Variants in SULF1 observed in about 807,000 individuals in gnomAD.
SULF1 encodes the protein sulfatase 1.
SULF1 carries 46 observed loss-of-function variants against 110.5 expected under a neutral mutation model. The ratio of observed to expected loss-of-function variants is 0.42; its 90% confidence interval spans 0.33 to 0.53. The LOEUF is 0.53. SULF1 is among the 20% of genes least tolerant of loss of function. The pLI is 0.12. For synonymous variants in SULF1, 371 were observed against 387.1 expected, an observed-to-expected ratio of 0.96 and a Z score of 0.49; for missense variants, 941 against 1,094.2, an observed-to-expected ratio of 0.86 and a Z score of 1.98.
chr8:69,606,630 T>C (rs1301858186), intron 13 of SULF1, among the ~76,000 whole-genome samples: 1 of 152,250 alleles, frequency 6.6e-6, no homozygotes, highest in African/African-American at 2.4e-5. Context: ...TGGCTTGCCC[T>C]AAAATTTTAA....
chr8:69,479,949 C>G (rs931785300), intron 1 of SULF1, among the ~76,000 whole-genome samples: 13 of 152,028 alleles, frequency 8.6e-5, no homozygotes, highest in African/African-American at 2.4e-4. Context: ...TTGCTGAGGG[C>G]TACCGTGAGT....
chr8:69,654,410 A>G (rs180858620), intron 22 of SULF1, among the ~76,000 whole-genome samples: 70 of 152,358 alleles, frequency 4.6e-4, no homozygotes, highest in Non-Finnish European at 9.0e-4. Flanking sequence ...GAGTAAGTTT[A>G]TATAGGTGCA....
intron 1 of SULF1, among the ~76,000 whole-genome samples, chr8:69,485,486 T>C (rs1374087829): frequency 6.6e-6 from 1 of 152,222 alleles, no homozygotes; most frequent in Admixed American, 6.5e-5. Context: ...CCCTTGGCTG[T>C]CTGTCACCCT....
At chr8:69,466,785 G>T (rs1233109253) in exon 1 of SULF1, 2 of 152,382 alleles carry the variant, frequency 1.3e-5, no homozygotes, top group Non-Finnish European at 1.5e-5. Context: ...GTTGGGGTTA[G>T]TGTGTGTCAT....
chr8:69,520,407 A>T (rs1005469118), intron 3 of SULF1, among the ~76,000 whole-genome samples: 4 of 152,054 alleles, frequency 2.6e-5, no homozygotes, highest in Admixed American at 2.6e-4. Context: ...TCACCTTTTC[A>T]TCTTTGTTCT....
At chr8:69,498,541 A>G (rs2245781) in intron 2 of SULF1, among the ~76,000 whole-genome samples, 119,257 of 152,028 alleles carry the variant, frequency 0.78, 47,103 homozygotes, top group African/African-American at 0.86. Flanking sequence ...AAACCTGACC[A>G]GAGAGATGAG....
At chr8:69,619,867 G>A (rs1460099691) in intron 13 of SULF1, among the ~76,000 whole-genome samples, 3 of 152,116 alleles carry the variant, frequency 2.0e-5, no homozygotes, top group South Asian at 4.1e-4. Flanking sequence ...GGGTGCCGAC[G>A]GCCCCAGTGT....
rs1437083051 is a variant in SULF1 at position 69,553,495 on chromosome 8, A to G, written c.-133-10044A>G. The stretch of plus-strand genomic sequence containing the variant: ...CCTGGTAAACTTTGCAGGCAGCCAG[A>G]CTTAGTAGACTTCTATTAATGATGG... On this transcript the variant is annotated intron_variant, in intron 3 of 22. Transcript: ENST00000402687. 2.6e-5 allele frequency among the ~76,000 whole-genome samples: 4 copies of G among 152,218 alleles called. No individual in the cohort carries two copies. In the East Asian group the frequency reaches 7.7e-4, roughly 29 times the overall value.
chr8:69,595,792 C>A (rs966060998), intron 8 of SULF1, among the ~76,000 whole-genome samples: 1 of 152,100 alleles, frequency 6.6e-6, no homozygotes, highest in Non-Finnish European at 1.5e-5. Context: ...TTCACTGGAG[C>A]GACACCAAAG....
At chr8:69,479,787 C>T (rs138421557) in intron 1 of SULF1, among the ~76,000 whole-genome samples, 2,001 of 152,238 alleles carry the variant, frequency 0.013, 49 homozygotes, top group African/African-American at 0.045. Flanking sequence ...CTCATTCTTA[C>T]AAGGCAGAGT....
chr8:69,484,320 T>C (rs569433735), intron 1 of SULF1, among the ~76,000 whole-genome samples: 1 of 152,318 alleles, frequency 6.6e-6, no homozygotes, highest in Admixed American at 6.5e-5. Context: ...CCACATCTTA[T>C]CTGCATCAAC....
chr8:69,658,841 A>G lies in SULF1; in HGVS notation c.*306A>G. On this transcript the variant is annotated 3_prime_UTR_variant, in exon 23 of 23. Transcript: ENST00000402687. ...AGGCATAAGGTTGGGAAAACACCTC[A>G]TTTGACCTTGCCAGCTGACCTTCAA... 1 of 568,112 alleles carries G rather than the reference A, an allele frequency of 1.8e-6. No individual in the cohort carries two copies. The highest frequency in any genetic ancestry group is 1.5e-5 in the South Asian group (1 of 65,586). The allele number at this position is 568,112 out of a possible 1,614,324, so 35.2% of individuals were successfully genotyped here. A position where few individuals can be genotyped will look rare whatever the true frequency, so the allele number is the denominator to read the frequency against.
intron 22 of SULF1, among the ~76,000 whole-genome samples, chr8:69,643,280 AC>A (rs1203415442): frequency 4.6e-5 from 7 of 152,340 alleles, no homozygotes; most frequent in Middle Eastern, 3.4e-3. Flanking sequence ...CAGATGCAAA[AC>A]AAGTATGTAC....
At chr8:69,536,171 T>C (rs1458283176) in intron 3 of SULF1, among the ~76,000 whole-genome samples, 1 of 152,198 alleles carries the variant, frequency 6.6e-6, no homozygotes, top group Non-Finnish European at 1.5e-5. Context: ...GCAGATCATT[T>C]CACTAGTCTT....
intron 19 of SULF1, among the ~76,000 whole-genome samples, chr8:69,635,898 C>T (rs1211957217): frequency 1.3e-5 from 2 of 152,098 alleles, no homozygotes; most frequent in Middle Eastern, 3.4e-3. Context: ...ACTCTGTAGC[C>T]AGATCCCAGT....
At chr8:69,489,500 G>C (rs1809830286), upstream of SULF1, among the ~76,000 whole-genome samples, 1 of 149,170 alleles carries the variant, frequency 6.7e-6, no homozygotes, top group African/African-American at 2.5e-5. Context: ...TATAGCCAGA[G>C]GGCTAAAAAA....
At chr8:69,603,504 G>A in intron 11 of SULF1, 96 bp from the exon 12 acceptor site, 1 of 1,300,368 alleles carries the variant, frequency 7.7e-7, no homozygotes, top group Non-Finnish European at 1.1e-6. Context: ...ATGGTCTGTG[G>A]GAAGTGAGAG....
At chr8:69,484,427 A>G (rs1809619235) in intron 1 of SULF1, among the ~76,000 whole-genome samples, 1 of 152,226 alleles carries the variant, frequency 6.6e-6, no homozygotes, top group Non-Finnish European at 1.5e-5. Flanking sequence ...CATGATCTAA[A>G]TACTTAAAGA....
intron 8 of SULF1, among the ~76,000 whole-genome samples, chr8:69,595,308 C>T (rs1807221121): frequency 6.6e-6 from 1 of 152,236 alleles, no homozygotes; most frequent in Non-Finnish European, 1.5e-5. Flanking sequence ...ACTCAGTTCA[C>T]ATCACAGTCA....
Sources: allele counts gnomAD v4.1 joint callset (sites outside exome capture counted in the v4.1 genomes callset), GRCh38; gene constraint gnomAD v4.1.1; transcripts MANE v1.5; gene names NCBI Gene and HGNC (gene_info 2026-07-23, HGNC 2026-07-21).